The following PTPRK variants were observed in gnomAD, a reference collection of about 807,000 sequenced individuals.
The protein encoded by PTPRK is protein tyrosine phosphatase receptor type K, also known as receptor-type tyrosine-protein phosphatase kappa.
PTPRK carries 75 observed loss-of-function variants against 178.0 expected under a neutral mutation model. That is an observed-to-expected ratio of 0.42 (90% CI 0.35 to 0.51). The LOEUF is 0.51. Among genes scored for constraint, PTPRK ranks in the 20% least tolerant of loss-of-function variants. The pLI, the probability that PTPRK is intolerant of heterozygous loss-of-function variation, is 0.02. For missense variants in PTPRK, 1,441 were observed against 1,797.8 expected, an observed-to-expected ratio of 0.80 and a Z score of 3.59; for synonymous variants, 637 against 620.6, an observed-to-expected ratio of 1.03 and a Z score of -0.39.
intron 1 of PTPRK, among the ~76,000 whole-genome samples, chr6:128,517,857 G>T (rs1009939262): frequency 6.6e-6 from 1 of 152,054 alleles, no homozygotes; most frequent in African/African-American, 2.4e-5. Flanking sequence ...TTTAAAGTGG[G>T]TTTATTTAAA....
intron 7 of PTPRK, among the ~76,000 whole-genome samples, chr6:128,148,506 G>C (rs1796802909): frequency 6.6e-6 from 1 of 152,082 alleles, no homozygotes; most frequent in South Asian, 2.1e-4. Context: ...GATTATTGTA[G>C]AAGGTGATCC....
chr6:128,009,258 T>C lies in PTPRK; in HGVS notation c.2205A>G (p.Thr735=), dbSNP rs1262802408. The change falls in exon 14 of 30, where the codon ACA becomes ACG. Residue 735 remains threonine (T), a synonymous_variant. Transcript: ENST00000368226. ...CVRIATKAAA[T]EEPEVIPDPA... The stretch of plus-strand genomic sequence containing the variant: ...GATCTGGGATCACTTCTGGTTCTTC[T>C]GTTGCTGCTGCTAAATGGATAAAAA... 1 of 1,606,024 alleles carries C rather than the reference T, an allele frequency of 6.2e-7. No homozygotes were observed. The highest frequency in any genetic ancestry group is 1.7e-5 in the Admixed American group (1 of 59,410).
At chr6:128,415,499 A>G (rs548673714) in intron 1 of PTPRK, among the ~76,000 whole-genome samples, 3 of 72,370 alleles carry the variant, frequency 4.1e-5, no homozygotes, top group African/African-American at 1.3e-4. Context: ...TGAGATATGC[A>G]GTGAGAAAAA....
At chr6:128,394,677 T>C (rs1840049989) in intron 2 of PTPRK, among the ~76,000 whole-genome samples, 1 of 152,190 alleles carries the variant, frequency 6.6e-6, no homozygotes, top group African/African-American at 2.4e-5. Context: ...GTCATCATCA[T>C]TGTAATCTGA....
At chr6:128,232,771 A>G (rs1812521901) in intron 5 of PTPRK, among the ~76,000 whole-genome samples, 1 of 152,208 alleles carries the variant, frequency 6.6e-6, no homozygotes. Flanking sequence ...TGGTACTTAT[A>G]TGCTACTGTT....
At chr6:128,239,886 T>G in intron 5 of PTPRK, 149 bp downstream of exon 5, 1 of 480,328 alleles carries the variant, frequency 2.1e-6, no homozygotes, top group East Asian at 3.4e-5. Flanking sequence ...GAATCTGTAA[T>G]TAAACTCACG....
intron 7 of PTPRK, among the ~76,000 whole-genome samples, chr6:128,144,189 T>G (rs935343548): frequency 6.6e-6 from 1 of 152,174 alleles, no homozygotes; most frequent in Non-Finnish European, 1.5e-5. Context: ...TCTCAGATTA[T>G]CTATAGTGAA....
At chr6:128,196,200 CA>C (rs1011367452) in intron 6 of PTPRK, among the ~76,000 whole-genome samples, 2 of 151,984 alleles carry the variant, frequency 1.3e-5, no homozygotes, top group African/African-American at 4.8e-5. Context: ...TGCATTAAAG[CA>C]GATCTATCAA....
chr6:128,272,432 T>C (rs1042752417), intron 3 of PTPRK, among the ~76,000 whole-genome samples: 17 of 151,946 alleles, frequency 1.1e-4, no homozygotes, highest in Non-Finnish European at 1.8e-4. Flanking sequence ...ACTTACAGAA[T>C]GGGAAAAAAT....
At chr6:128,236,457 T>C (rs533809876) in intron 5 of PTPRK, among the ~76,000 whole-genome samples, 1 of 151,392 alleles carries the variant, frequency 6.6e-6, no homozygotes, top group East Asian at 2.0e-4. Context: ...CAAGCAATTC[T>C]TCTGCCTCAG....
At chr6:128,193,525 G>C (rs925551165) in intron 6 of PTPRK, among the ~76,000 whole-genome samples, 3 of 151,910 alleles carry the variant, frequency 2.0e-5, no homozygotes, top group African/African-American at 4.8e-5. Flanking sequence ...TTCAGGGTAG[G>C]AGAAAATTCT....
chr6:128,484,136 TAAAAC>T (rs1852484639), intron 1 of PTPRK, among the ~76,000 whole-genome samples: 1 of 152,070 alleles, frequency 6.6e-6, no homozygotes, highest in African/African-American at 2.4e-5. Flanking sequence ...GTGTATCAAA[TAAAAC>T]AAACAAAAAT....
At chr6:128,367,643 G>C (rs953523281) in intron 2 of PTPRK, among the ~76,000 whole-genome samples, 2 of 152,042 alleles carry the variant, frequency 1.3e-5, no homozygotes, top group South Asian at 2.1e-4. Flanking sequence ...ACTAATCTCC[G>C]AATCAAGTGT....
At chr6:128,480,543 A>G (rs1425752442) in intron 1 of PTPRK, among the ~76,000 whole-genome samples, 1 of 152,106 alleles carries the variant, frequency 6.6e-6, no homozygotes, top group African/African-American at 2.4e-5. Flanking sequence ...TATTCCTCAC[A>G]TATGAATTAG....
chr6:128,013,067 A>G (rs1334117068), intron 13 of PTPRK, among the ~76,000 whole-genome samples: 1 of 151,282 alleles, frequency 6.6e-6, no homozygotes, highest in African/African-American at 2.4e-5. Context: ...TCTGAATTCA[A>G]TGTGTACTTT....
chr6:128,061,164 T>C (rs1371279799), intron 13 of PTPRK, among the ~76,000 whole-genome samples: 1 of 152,184 alleles, frequency 6.6e-6, no homozygotes, highest in East Asian at 1.9e-4. Context: ...GATACTAACA[T>C]GTAACAATGA....
chr6:128,052,812 T>A (rs751508211), intron 13 of PTPRK, among the ~76,000 whole-genome samples: 23 of 152,172 alleles, frequency 1.5e-4, no homozygotes, highest in Non-Finnish European at 2.6e-4. Context: ...GACTTGTGCT[T>A]TCCTATTTTA....
intron 6 of PTPRK, 63 bp from the exon 7 acceptor site, chr6:128,184,788 G>A: frequency 1.4e-6 from 2 of 1,458,432 alleles, no homozygotes; most frequent in Admixed American, 2.0e-5. Flanking sequence ...ATATATTAGT[G>A]TCTAATAAGG....
intron 27 of PTPRK, among the ~76,000 whole-genome samples, chr6:127,975,183 A>G (rs1345072883): frequency 6.6e-6 from 1 of 152,250 alleles, no homozygotes; most frequent in Non-Finnish European, 1.5e-5. Context: ...TGACAAAAAT[A>G]TAACATTTCA....
Sources: gnomAD v4.1 joint callset for allele counts (sites outside exome capture counted in the v4.1 genomes callset) on GRCh38, gnomAD v4.1.1 for gene constraint, MANE v1.5 for transcripts, NCBI Gene and HGNC (gene_info 2026-07-23, HGNC 2026-07-21) for gene names.